OC90: variants seen among roughly 807,000 people sequenced by gnomAD.
OC90 encodes the protein otoconin 90.
In OC90, 46 loss-of-function variants were observed where a neutral mutation model predicts 47.3. The observed-to-expected ratio is 0.97, with a 90% confidence interval of 0.77 to 1.24. OC90 has a LOEUF of 1.24. Ranked by LOEUF, OC90 falls within the 50% of genes most tolerant of loss-of-function variation. The probability of loss-of-function intolerance (pLI) is 0.00; values close to 1 mark genes in which losing one functional copy is unlikely to be tolerated. For missense variants in OC90, 688 were observed against 583.9 expected (o/e 1.18, Z -1.84); for synonymous variants, 271 against 219.5 (o/e 1.23, Z -2.07).
At chr8:132,030,480 T>C (rs1430188293) in intron 12 of OC90, among the ~76,000 whole-genome samples, 1 of 152,172 alleles carries the variant, frequency 6.6e-6, no homozygotes, top group Admixed American at 6.5e-5. Flanking sequence ...ACCTTCAAAA[T>C]CATCCCCACT....
At chr8:132,028,958 GAA>G (rs1822829775) in intron 13 of OC90, 113 bp downstream of exon 13, 1 of 690,594 alleles carries the variant, frequency 1.4e-6, no homozygotes, top group Non-Finnish European at 2.6e-6. Flanking sequence ...AAAGAAAGAA[GAA>G]AAGAGTATTA....
Position 132,033,174 on chromosome 8 carries a change from A to G in OC90, c.734-10T>C. 6.2e-7 allele frequency: 1 copy of G among 1,602,250 alleles called. No homozygotes were observed. ...ACTATCTCTGCAGATCCTGAAAATG[A>G]AAAACTTCATGATTCGGATTCAAAA... On this transcript the variant is annotated splice_polypyrimidine_tract_variant and intron_variant, in intron 10 of 13. Coordinates refer to ENST00000254627, the MANE Select transcript of OC90 (RefSeq NM_001080399.3).
intron 2 of OC90, among the ~76,000 whole-genome samples, chr8:132,052,567 C>T (rs1425672494): frequency 1.3e-5 from 2 of 152,138 alleles, no homozygotes; most frequent in African/African-American, 4.8e-5. Flanking sequence ...ATATAGACTC[C>T]CACACGTTAT....
chr8:132,057,126 A>G (rs904041188), intron 1 of OC90, among the ~76,000 whole-genome samples: 18 of 152,370 alleles, frequency 1.2e-4, no homozygotes, highest in African/African-American at 3.8e-4. Flanking sequence ...CCTGACATAG[A>G]GAAGTTGCTC....
intron 9 of OC90, chr8:132,036,530 C>T (rs543183626): frequency 5.0e-5 from 37 of 747,254 alleles, no homozygotes; most frequent in East Asian, 1.2e-4. Context: ...TAGGGTAATC[C>T]GATCAGGGCA....
At chr8:132,036,916 T>C (rs1822973841) in intron 9 of OC90, among the ~76,000 whole-genome samples, 1 of 152,258 alleles carries the variant, frequency 6.6e-6, no homozygotes, top group African/African-American at 2.4e-5. Flanking sequence ...TGCTGTTTTT[T>C]ATAGCCACAC....
intron 12 of OC90, among the ~76,000 whole-genome samples, 175 bp from the exon 13 acceptor site, chr8:132,029,354 C>T (rs1252986778): frequency 1.3e-5 from 2 of 152,114 alleles, no homozygotes; most frequent in Non-Finnish European, 2.9e-5. Flanking sequence ...TATGGTTATT[C>T]GGGTTGTATA....
In OC90 at chr8:132,026,744, ACCT is replaced by A. The variant is rs545270749; in HGVS notation, c.1139-1971_1139-1969del. Among the ~76,000 whole-genome samples, 509 of 152,170 alleles carry A rather than the reference ACCT, an allele frequency of 3.3e-3. 2 individuals carry two copies. Among genetic ancestry groups the A allele is most frequent in the Middle Eastern group, 0.014 (4 of 294 alleles). Reference sequence around the variant, plus strand: ...GCAAGGCTTCAGCCCAGCAGGTGAGACCTCCTGGCATGATTGCATCATGTGACA... The same window carrying A: ...GCAAGGCTTCAGCCCAGCAGGTGAGACCTGGCATGATTGCATCATGTGACA... On this transcript the variant is annotated intron_variant, in intron 13 of 13. Transcript: ENST00000254627.
At chr8:132,031,783 C>G (rs1822878553) in intron 12 of OC90, 98 bp downstream of exon 12, 1 of 1,065,880 alleles carries the variant, frequency 9.4e-7, no homozygotes, top group African/African-American at 1.6e-5. Flanking sequence ...TAGTGAGGCC[C>G]AAGTTTCAGC....
intron 2 of OC90, 98 bp downstream of exon 2, chr8:132,054,883 T>C (rs1823261459): frequency 1.5e-6 from 1 of 683,084 alleles, no homozygotes; most frequent in Non-Finnish European, 2.4e-6. Flanking sequence ...AAAAGACACG[T>C]GGGAAAGATG....
intron 3 of OC90, among the ~76,000 whole-genome samples, 177 bp downstream of exon 3, chr8:132,045,641 G>T (rs1823120975): frequency 6.6e-6 from 1 of 152,150 alleles, no homozygotes; most frequent in Non-Finnish European, 1.5e-5. Context: ...AAAAGGTTGG[G>T]CCAGACACCA....
chr8:132,025,532 T>C (rs1303401660), intron 13 of OC90, among the ~76,000 whole-genome samples: 5 of 152,106 alleles, frequency 3.3e-5, no homozygotes, highest in South Asian at 4.1e-4. Context: ...CCTTCCTAGA[T>C]ACTGGCAAGT....
At chr8:132,036,551 C>A in intron 9 of OC90, 2 of 672,020 alleles carry the variant, frequency 3.0e-6, no homozygotes, top group Non-Finnish European at 5.4e-6. Context: ...TATGGCTGCA[C>A]AATGGTGTTC....
At chr8:132,053,246 C>G (rs993682913) in intron 2 of OC90, among the ~76,000 whole-genome samples, 2 of 152,156 alleles carry the variant, frequency 1.3e-5, no homozygotes, top group African/African-American at 4.8e-5. Flanking sequence ...CACCTGTCAC[C>G]CCATGTTGCA....
intron 2 of OC90, among the ~76,000 whole-genome samples, chr8:132,048,342 A>G (rs1425003127): frequency 1.3e-5 from 2 of 152,196 alleles, no homozygotes; most frequent in Non-Finnish European, 2.9e-5. Context: ...TTTATTCATA[A>G]ATGGAAAGCC....
At chr8:132,052,375 C>T (rs1823224466) in intron 2 of OC90, among the ~76,000 whole-genome samples, 1 of 152,344 alleles carries the variant, frequency 6.6e-6, no homozygotes, top group South Asian at 2.1e-4. Flanking sequence ...CTAAGAATAT[C>T]TGCGGCCCAC....
At chr8:132,041,297 GCATAACAGA>G in intron 5 of OC90, 141 bp from the exon 6 acceptor site, 2 of 663,294 alleles carry the variant, frequency 3.0e-6, no homozygotes, top group Non-Finnish European at 5.3e-6. Context: ...ATGAAGTTTT[GCATAACAGA>G]CATAACATAG....
chr8:132,029,355 G>A (rs374449398), intron 12 of OC90, among the ~76,000 whole-genome samples, 176 bp from the exon 13 acceptor site: 11 of 152,158 alleles, frequency 7.2e-5, no homozygotes, highest in African/African-American at 1.4e-4. Flanking sequence ...ATGGTTATTC[G>A]GGTTGTATAC....
rs1324957993 is a variant in OC90, at chr8:132,024,399, G to T, written c.*82C>A. 1.7e-6 allele frequency: 2 copies of T among 1,151,042 alleles called. No homozygotes were observed. The highest frequency in any genetic ancestry group is 2.4e-6 in the Non-Finnish European group (2 of 821,106). The allele number at this position is 1,151,042 out of a possible 1,614,324, so 71.3% of individuals were successfully genotyped here. A position where few individuals can be genotyped will look rare whatever the true frequency, so the allele number is the denominator to read the frequency against. On this transcript the variant is annotated 3_prime_UTR_variant, in exon 14 of 14. Transcript: ENST00000254627. ...AAAGGAAGGGAAGAAGGCTCCAAGG[G>T]ACAGAGGAGGCTGAGAGATAAAGAG... is the stretch of plus-strand genomic sequence containing the variant.
Sources: allele counts gnomAD v4.1 joint callset (sites outside exome capture counted in the v4.1 genomes callset), GRCh38; gene constraint gnomAD v4.1.1; transcripts MANE v1.5; gene names NCBI Gene and HGNC (gene_info 2026-07-23, HGNC 2026-07-21).